Variants in MARCHF6 observed in about 807,000 individuals in gnomAD.
MARCHF6 encodes the protein E3 ubiquitin-protein ligase MARCHF6.
In MARCHF6, 31 loss-of-function variants were observed where a neutral mutation model predicts 133.7. The observed-to-expected ratio is 0.23, with a 90% CI of 0.17 to 0.31. MARCHF6 has a LOEUF of 0.31. Ranked by LOEUF, MARCHF6 falls within the 10% of genes least tolerant of loss-of-function variation. The probability of loss-of-function intolerance (pLI) is 1.00; values close to 1 mark genes in which losing one functional copy is unlikely to be tolerated. For missense variants in MARCHF6, 723 were observed against 1,121.6 expected (o/e 0.64, Z 5.08); for synonymous variants, 395 against 402.5 (o/e 0.98, Z 0.22).
intron 19 of MARCHF6, among the ~76,000 whole-genome samples, chr5:10,413,829 C>T (rs1384876704): frequency 6.6e-6 from 1 of 152,172 alleles, no homozygotes; most frequent in Non-Finnish European, 1.5e-5. Context: ...TGGCCCTTCC[C>T]TTGACACCTG....
At chr5:10,410,784 T>A (rs962510472) in intron 18 of MARCHF6, among the ~76,000 whole-genome samples, 3 of 152,194 alleles carry the variant, frequency 2.0e-5, no homozygotes, top group Admixed American at 6.5e-5. Flanking sequence ...ACAGATTTGG[T>A]TATATTTGCT....
intron 17 of MARCHF6, 150 bp from the exon 18 acceptor site, chr5:10,409,989 G>A (rs1739125320): frequency 2.5e-6 from 2 of 806,242 alleles, no homozygotes; most frequent in Admixed American, 2.8e-5. Flanking sequence ...TGGAGTTTGT[G>A]GGGAAAGCCT....
intron 17 of MARCHF6, among the ~76,000 whole-genome samples, chr5:10,407,839 C>G (rs1009631712): frequency 1.3e-5 from 2 of 152,050 alleles, no homozygotes; most frequent in African/African-American, 4.8e-5. Context: ...GCCTGTAATC[C>G]CAACTACTCG....
chr5:10,375,940 C>G (rs1045425037), intron 1 of MARCHF6, among the ~76,000 whole-genome samples: 11 of 152,164 alleles, frequency 7.2e-5, no homozygotes, highest in African/African-American at 2.2e-4. Flanking sequence ...TGTCAATACT[C>G]TGTATCTAAC....
chr5:10,364,184 C>T (rs142345128), intron 1 of MARCHF6, among the ~76,000 whole-genome samples: 22 of 152,254 alleles, frequency 1.4e-4, no homozygotes, highest in Non-Finnish European at 2.5e-4. Context: ...AATGACTGAC[C>T]GTACCAAGTG....
At chr5:10,397,411 G>A in intron 10 of MARCHF6, 67 bp downstream of exon 10, 1 of 1,139,544 alleles carries the variant, frequency 8.8e-7, no homozygotes, top group Non-Finnish European at 1.3e-6. Context: ...TAGGAGCCTT[G>A]TTATAGGTTT....
At position 10,410,090 on chromosome 5, in the gene MARCHF6, G is replaced by C. The variant is rs140868109; in HGVS notation, c.1554-49G>C. Reference sequence around the variant, plus strand: ...AGTTGCGTTGTAATCCCATTAAATAGTAGTCATATGCAAAATACAATTCAC... The same window carrying C: ...AGTTGCGTTGTAATCCCATTAAATACTAGTCATATGCAAAATACAATTCAC... On this transcript the variant is annotated intron_variant, in intron 17 of 25. Coordinates refer to ENST00000274140, the MANE Select transcript of MARCHF6 (RefSeq NM_005885.4). 58 of 1,588,378 alleles carry C rather than the reference G, an allele frequency of 3.7e-5. No homozygotes were observed. The East Asian group carries it at 1.3e-3, about 34-fold the overall frequency.
At chr5:10,367,256 A>G (rs1736192716) in intron 1 of MARCHF6, among the ~76,000 whole-genome samples, 1 of 152,224 alleles carries the variant, frequency 6.6e-6, no homozygotes, top group South Asian at 2.1e-4. Context: ...GGTAAAGACT[A>G]AGGAAATCAG....
At chr5:10,376,369 C>G (rs1403507187) in intron 1 of MARCHF6, among the ~76,000 whole-genome samples, 10 of 151,784 alleles carry the variant, frequency 6.6e-5, no homozygotes, top group Non-Finnish European at 7.4e-5. Flanking sequence ...AGCGAGACCA[C>G]GAACCCACCA....
chr5:10,359,367 T>G (rs1272548736), intron 1 of MARCHF6, among the ~76,000 whole-genome samples: 1 of 152,188 alleles, frequency 6.6e-6, no homozygotes, highest in East Asian at 1.9e-4. Context: ...GTAATTTCCT[T>G]CTGATTTTCT....
intron 1 of MARCHF6, among the ~76,000 whole-genome samples, chr5:10,376,395 GA>G (rs1736781847): frequency 6.6e-6 from 1 of 151,476 alleles, no homozygotes; most frequent in Non-Finnish European, 1.5e-5. Flanking sequence ...AAGAAACTCC[GA>G]ACACGTCCGA....
intron 14 of MARCHF6, 123 bp downstream of exon 14, chr5:10,402,730 G>A (rs1738620357): frequency 2.2e-6 from 2 of 896,510 alleles, no homozygotes; most frequent in Non-Finnish European, 3.6e-6. Flanking sequence ...CTTTTGGCAT[G>A]TGTATCAGTA....
At chr5:10,374,482 C>T (rs1255595487) in intron 1 of MARCHF6, among the ~76,000 whole-genome samples, 1 of 152,062 alleles carries the variant, frequency 6.6e-6, no homozygotes, top group African/African-American at 2.4e-5. Context: ...GCGTGGGCTG[C>T]CTGGATACTG....
At chr5:10,357,549 G>A (rs1424306695) in intron 1 of MARCHF6, among the ~76,000 whole-genome samples, 2 of 152,090 alleles carry the variant, frequency 1.3e-5, no homozygotes, top group African/African-American at 4.8e-5. Flanking sequence ...AAAAATTTGA[G>A]GTAACTTAAA....
Position 10,433,772 on chromosome 5 carries a change from A to G in MARCHF6, c.*88A>G. On this transcript the variant is annotated 3_prime_UTR_variant, in exon 26 of 26. Coordinates refer to ENST00000274140, the MANE Select transcript of MARCHF6 (RefSeq NM_005885.4). ...TGGAGATTTTTCCCAGTGATCTCTC[A>G]GCGTTGTTTTTAAGTTAAATGTATT... is the stretch of plus-strand genomic sequence containing the variant. 1 of 1,100,060 alleles carries G rather than the reference A, an allele frequency of 9.1e-7. No homozygotes were observed. Among genetic ancestry groups the G allele is most frequent in the South Asian group, 1.3e-5 (1 of 77,610 alleles). 68.1% of individuals were successfully genotyped at this position (1,100,060 alleles called of 1,614,324 possible). A position where few individuals can be genotyped will look rare whatever the true frequency, so the allele number is the denominator to read the frequency against.
At chr5:10,428,585 A>AC (rs1740215131) in intron 24 of MARCHF6, among the ~76,000 whole-genome samples, 2 of 150,330 alleles carry the variant, frequency 1.3e-5, no homozygotes, top group African/African-American at 2.4e-5. Context: ...CAGATAATCC[A>AC]CCCCCCTCGG....
intron 5 of MARCHF6, 107 bp downstream of exon 5, chr5:10,387,173 C>A: frequency 1.3e-6 from 1 of 785,564 alleles, no homozygotes; most frequent in Non-Finnish European, 2.0e-6. Context: ...GTTTTGAGAA[C>A]AATAATTTAT....
At chr5:10,428,649 T>G (rs1441072521) in intron 24 of MARCHF6, among the ~76,000 whole-genome samples, 1 of 152,182 alleles carries the variant, frequency 6.6e-6, no homozygotes, top group Non-Finnish European at 1.5e-5. Context: ...GCGCATTGCT[T>G]ATTAGTTGAA....
rs747467913 is a variant in MARCHF6 at position 10,394,711 on chromosome 5, G to T, written c.829-42G>T. 4.0e-6 allele frequency: 6 copies of T among 1,498,774 alleles called. No homozygotes were observed. The African/African-American group carries it at 7.0e-5, about 18-fold the overall frequency. The allele number at this position is 1,498,774 out of a possible 1,614,324, so 92.8% of individuals were successfully genotyped here. The stretch of plus-strand genomic sequence containing the variant: ...TTCATAAATTAGAATAGAAAGTTCT[G>T]TTGCATCTTAAATTAATGCTTATCG... On this transcript the variant is annotated intron_variant, in intron 8 of 25. Transcript: ENST00000274140.
Sources: allele counts gnomAD v4.1 joint callset (sites outside exome capture counted in the v4.1 genomes callset), GRCh38; gene constraint gnomAD v4.1.1; transcripts MANE v1.5; gene names NCBI Gene and HGNC (gene_info 2026-07-23, HGNC 2026-07-21).